DMTN: variants seen among roughly 807,000 people sequenced by gnomAD.
DMTN encodes the protein dematin actin binding protein, also known as dematin.
In DMTN, 27 loss-of-function variants were observed where a neutral mutation model predicts 59.4. The ratio of observed to expected loss-of-function variants is 0.45; its 90% CI spans 0.33 to 0.63. The LOEUF is 0.63. Among genes scored for constraint, DMTN ranks in the 20% least tolerant of loss-of-function variants. DMTN has a pLI of 0.02. For missense variants in DMTN, 451 were observed against 528.9 expected, an observed-to-expected ratio of 0.85 and a Z score of 1.45; for synonymous variants, 221 against 203.7, an observed-to-expected ratio of 1.08 and a Z score of -0.72.
chr8:22,069,577 A>C, intron 6 of DMTN, 59 bp downstream of exon 6: 1 of 1,408,884 alleles, frequency 7.1e-7, no homozygotes, highest in Non-Finnish European at 9.8e-7. Context: ...AGGAACCCCA[A>C]TCCCCTTACG....
intron 10 of DMTN, 49 bp from the exon 11 acceptor site, chr8:22,080,131 G>A (rs777732291): frequency 1.1e-5 from 18 of 1,608,520 alleles, no homozygotes; most frequent in Non-Finnish European, 1.4e-5. Context: ...CTCAGGAAGG[G>A]CTGTCAGGGC....
intron 1 of DMTN, chr8:22,057,946 G>T: frequency 6.6e-6 from 1 of 152,668 alleles, no homozygotes. Flanking sequence ...GGGGAGCCCA[G>T]GGAAGGCCTC....
intron 10 of DMTN, among the ~76,000 whole-genome samples, chr8:22,074,185 T>A (rs1209798275): frequency 6.6e-6 from 1 of 152,158 alleles, no homozygotes; most frequent in Non-Finnish European, 1.5e-5. Flanking sequence ...GTGGCCGGTA[T>A]TGTGATCAAG....
chr8:22,070,269 A>C lies in DMTN; in HGVS notation c.539A>C (p.Asp180Ala), dbSNP rs1252605952. 1.9e-6 allele frequency: 3 copies of C among 1,613,152 alleles called. No homozygotes were observed. The highest frequency in any genetic ancestry group is 2.2e-5 in the East Asian group (1 of 44,820). Reference sequence around the variant, plus strand: ...AAGTTTCCTGCAGCCCAGCCCCCAGACCCCAACCAGCCAGCCAAAATCGAA... The same window carrying C: ...AAGTTTCCTGCAGCCCAGCCCCCAGCCCCCAACCAGCCAGCCAAAATCGAA... ...SSKFPAAQPP[D>A]PNQPAKIETD... Residue 180 changes from aspartate to alanine, a missense_variant, in exon 8 of 16, where the codon GAC (aspartate) becomes GCC (alanine). By Grantham distance (126) the Asp-to-Ala change is moderately radical (BLOSUM62 -2). Coordinates refer to ENST00000358242, the MANE Select transcript of DMTN (RefSeq NM_001387751.1).
intron 3 of DMTN, 148 bp downstream of exon 3, chr8:22,067,307 A>C (rs563866763): frequency 1.8e-6 from 2 of 1,111,452 alleles, no homozygotes; most frequent in African/African-American, 1.6e-5. Context: ...AACCCAGAGA[A>C]GCTCCCATAT....
At chr8:22,080,335 G>A in intron 11 of DMTN, 77 bp from the exon 12 acceptor site, 4 of 1,613,040 alleles carry the variant, frequency 2.5e-6, no homozygotes, top group Non-Finnish European at 3.4e-6. Flanking sequence ...CCCTCAGGGA[G>A]CGGGGAGACC....
chr8:22,053,765 G>C (rs1801619268), upstream of DMTN: 1 of 152,400 alleles, frequency 6.6e-6, no homozygotes, highest in Admixed American at 6.5e-5. Context: ...TCAAGGTCCT[G>C]AGAACTCCTG....
chr8:22,057,757 C>A (rs895895264), intron 1 of DMTN: 1 of 152,442 alleles, frequency 6.6e-6, no homozygotes, highest in African/African-American at 2.4e-5. Flanking sequence ...GACATGCAGC[C>A]CCCACAGGGT....
chr8:22,064,967 A>G (rs751117992), intron 1 of DMTN, among the ~76,000 whole-genome samples: 1 of 152,174 alleles, frequency 6.6e-6, no homozygotes, highest in Non-Finnish European at 1.5e-5. Context: ...AAATGGGTCT[A>G]CCTTATAGGG....
rs1286894408 is a variant in DMTN, at chr8:22,081,570, TTCCTC to T, written c.*108_*112del. 20 of 947,496 alleles carry T rather than the reference TTCCTC, an allele frequency of 2.1e-5. No homozygotes were observed. Among genetic ancestry groups the T allele is most frequent in the Non-Finnish European group, 3.3e-5 (20 of 600,780 alleles). The allele number at this position is 947,496 out of a possible 1,614,324, so 58.7% of individuals were successfully genotyped here. On this transcript the variant is annotated 3_prime_UTR_variant, in exon 16 of 16. Transcript: ENST00000358242. ...TGGGGTGGAAATAGGGTGGGCTCCT[TTCCTC>T]AGGTAGAGTGGGGGGCCAAAACCTC...
At chr8:22,069,222 A>G in intron 5 of DMTN, 162 bp downstream of exon 5, 4 of 939,220 alleles carry the variant, frequency 4.3e-6, no homozygotes, top group Non-Finnish European at 6.3e-6. Context: ...ATTCTGTCGG[A>G]CCCAGGACCT....
intron 1 of DMTN, among the ~76,000 whole-genome samples, chr8:22,064,634 A>G: frequency 6.6e-6 from 1 of 152,124 alleles, no homozygotes; most frequent in Non-Finnish European, 1.5e-5. Context: ...AATTTTTTGT[A>G]TTTTTAGTAG....
At chr8:22,051,781 C>A (rs1003082180), upstream of DMTN, among the ~76,000 whole-genome samples, 3 of 152,196 alleles carry the variant, frequency 2.0e-5, no homozygotes, top group Non-Finnish European at 4.4e-5. Context: ...TCGCTCCCTA[C>A]ATCATCTCTG....
chr8:22,058,234 C>T lies in DMTN; in HGVS notation c.-172+1098C>T, dbSNP rs930482524. On this transcript the variant is annotated intron_variant, in intron 1 of 15. Coordinates refer to ENST00000358242, the MANE Select transcript of DMTN (RefSeq NM_001387751.1). The surrounding 1 kb of genome is among the most constrained non-coding windows in gnomAD (Gnocchi z 4.3). ...TCCGTGCTGCCGGCCTCTCTGTGGT[C>T]AGGCGTTAGACTCCTGGGTGAGGTT... Among the ~76,000 whole-genome samples the T allele has an allele frequency of 1.3e-5, 2 of 152,196 alleles. No individual in the cohort carries two copies. Among genetic ancestry groups the T allele is most frequent in the Non-Finnish European group, 2.9e-5 (2 of 68,032 alleles).
rs1327647641 is a variant in DMTN at position 22,072,357 on chromosome 8, G to A, written c.636G>A (p.Arg212=). ...AATGGAGGAAGCGGAAGGCGTCTCGGAGGGGAGCAGAGGAAGAGGAGGAGG... is the reference window on the plus strand; with the variant it reads ...AATGGAGGAAGCGGAAGGCGTCTCGAAGGGGAGCAGAGGAAGAGGAGGAGG... ...ETEWRKRKAS[R]RGAEEEEEEE... Residue 212 remains arginine, a synonymous_variant, in exon 9 of 16, where the codon CGG becomes CGA. Transcript: ENST00000358242. 6.2e-7 allele frequency: 1 copy of A among 1,604,416 alleles called. No homozygotes were observed. The highest frequency in any genetic ancestry group is 2.2e-5 in the East Asian group (1 of 44,502).
chr8:22,074,937 C>G lies in DMTN; in HGVS notation c.835+1102C>G, dbSNP rs529603765. 2.1e-3 allele frequency among the ~76,000 whole-genome samples: 319 copies of G among 152,196 alleles called. 3 individuals carry two copies. Among genetic ancestry groups the G allele is most frequent in the Non-Finnish European group, 4.3e-4 (29 of 68,010 alleles). ...GGCATGGTGGCTCACACCTGTTGTC[C>G]TAGCACTTTGGGAGGCCGAGGCGGG... On this transcript the variant is annotated intron_variant, in intron 10 of 15. Transcript: ENST00000358242.
intron 2 of DMTN, 31 bp from the exon 3 acceptor site, chr8:22,067,054 G>T (rs755145471): frequency 9.6e-6 from 15 of 1,566,686 alleles, no homozygotes; most frequent in Non-Finnish European, 1.3e-5. Context: ...ACACGCACGT[G>T]CCCACCCGCC....
Position 22,081,786 on chromosome 8 carries a change from T to C in DMTN, c.*323T>C, listed in dbSNP as rs1824399191. 9.9e-6 allele frequency: 5 copies of C among 507,332 alleles called. No homozygotes were observed. In the East Asian group the frequency reaches 2.5e-4, roughly 26 times the overall value. The allele number at this position is 507,332 out of a possible 1,614,324, so 31.4% of individuals were successfully genotyped here. A position where few individuals can be genotyped will look rare whatever the true frequency, so the allele number is the denominator to read the frequency against. On this transcript the variant is annotated 3_prime_UTR_variant, in exon 16 of 16. Coordinates refer to ENST00000358242, the MANE Select transcript of DMTN (RefSeq NM_001387751.1). Reference sequence around the variant, plus strand: ...GAGGAGGAATGAGGGGCATTGGTGGTTAGGCCGGTTGGCTGTCTTGAACAG... The same window carrying C: ...GAGGAGGAATGAGGGGCATTGGTGGCTAGGCCGGTTGGCTGTCTTGAACAG...
chr8:22,066,943 C>A, intron 2 of DMTN, 50 bp downstream of exon 2: 5 of 1,238,458 alleles, frequency 4.0e-6, no homozygotes, highest in Non-Finnish European at 5.1e-6. Context: ...GTGGGGGCCG[C>A]TTGGGAGTCC....
Sources: allele counts gnomAD v4.1 joint callset (sites outside exome capture counted in the v4.1 genomes callset), GRCh38; gene constraint gnomAD v4.1.1; non-coding constraint Gnocchi (gnomAD v3.1); transcripts MANE v1.5; gene names NCBI Gene and HGNC (gene_info 2026-07-23, HGNC 2026-07-21).